SLC1A6: variants seen among roughly 807,000 people sequenced by gnomAD.
SLC1A6 encodes solute carrier family 1 member 6, also known as excitatory amino acid transporter 4.
In SLC1A6, 15 loss-of-function variants were observed where a neutral mutation model predicts 42.1. That is an observed-to-expected ratio of 0.36 (90% CI 0.24 to 0.55). SLC1A6 has a LOEUF of 0.55. SLC1A6 is among the 20% of genes least tolerant of loss of function. The pLI, the probability that SLC1A6 is intolerant of heterozygous loss-of-function variation, is 0.88. For missense variants in SLC1A6, 542 were observed against 772.5 expected (o/e 0.70, Z 3.54); for synonymous variants, 317 against 319.7 (o/e 0.99, Z 0.09).
At chr19:14,951,279 GA>G (rs2045410928) in intron 9 of SLC1A6, among the ~76,000 whole-genome samples, 1 of 122,484 alleles carries the variant, frequency 8.2e-6, no homozygotes, top group Non-Finnish European at 1.8e-5. Context: ...AAAAAAAAAA[GA>G]AAGAAAAGAA....
intron 1 of SLC1A6, among the ~76,000 whole-genome samples, chr19:14,992,451 A>C (rs2045824982): frequency 6.6e-6 from 1 of 152,084 alleles, no homozygotes; most frequent in South Asian, 2.1e-4. Context: ...AATAAAGAGC[A>C]GGGTCACGGC....
intron 3 of SLC1A6, among the ~76,000 whole-genome samples, chr19:14,971,050 A>C (rs955043492): frequency 3.9e-5 from 6 of 152,044 alleles, no homozygotes; most frequent in Non-Finnish European, 8.8e-5. Flanking sequence ...GAATTGCTTG[A>C]ACCTGGGAGG....
At position 14,971,891 on chromosome 19, in the gene SLC1A6, G is replaced by A. The variant is rs2045644459; in HGVS notation, c.206-17C>T. 1.2e-6 allele frequency: 2 copies of A among 1,613,610 alleles called. No individual in the cohort carries two copies. The highest frequency in any genetic ancestry group is 2.2e-5 in the South Asian group (2 of 91,054). On this transcript the variant is annotated splice_polypyrimidine_tract_variant and intron_variant, in intron 2 of 9. Transcript: ENST00000594383. ...GGCTGACCCCTAGGGCCAAAAGAAGGGGTCCATGGACTGAAGTCTGGGTCG... is the reference window on the plus strand; with the variant it reads ...GGCTGACCCCTAGGGCCAAAAGAAGAGGTCCATGGACTGAAGTCTGGGTCG...
intron 6 of SLC1A6, among the ~76,000 whole-genome samples, chr19:14,960,357 T>G (rs1423133804): frequency 2.6e-5 from 4 of 152,222 alleles, no homozygotes; most frequent in African/African-American, 4.8e-5. Flanking sequence ...CCATCAATGA[T>G]TTAACTAATG....
intron 1 of SLC1A6, among the ~76,000 whole-genome samples, chr19:14,997,417 C>A (rs1172272646): frequency 6.6e-6 from 1 of 152,146 alleles, no homozygotes; most frequent in African/African-American, 2.4e-5. Context: ...CACAGGCACT[C>A]ATTTTTAACT....
At chr19:14,998,408 G>A (rs894681460) in intron 1 of SLC1A6, among the ~76,000 whole-genome samples, 3 of 152,126 alleles carry the variant, frequency 2.0e-5, no homozygotes, top group Non-Finnish European at 2.9e-5. Context: ...AGTCATTGTA[G>A]CACATGCCTG....
chr19:14,958,912 A>G (rs542736015), intron 6 of SLC1A6, among the ~76,000 whole-genome samples: 1 of 152,318 alleles, frequency 6.6e-6, no homozygotes, highest in South Asian at 2.1e-4. Flanking sequence ...CAGGCCCTCA[A>G]CTTGGCCTCA....
intron 6 of SLC1A6, among the ~76,000 whole-genome samples, chr19:14,960,046 A>T (rs1478416875): frequency 6.6e-6 from 1 of 152,218 alleles, no homozygotes; most frequent in Admixed American, 6.5e-5. Flanking sequence ...GTCAAGACAA[A>T]GTCTGCCTGG....
chr19:14,961,906 T>C (rs1169205072), intron 6 of SLC1A6, 96 bp downstream of exon 6: 5 of 1,499,708 alleles, frequency 3.3e-6, no homozygotes, highest in African/African-American at 2.8e-5. Flanking sequence ...CGTAAATGAA[T>C]GACCAAAAGT....
At chr19:14,999,986 C>T (rs1323076857) in intron 1 of SLC1A6, among the ~76,000 whole-genome samples, 1 of 149,792 alleles carries the variant, frequency 6.7e-6, no homozygotes, top group East Asian at 2.1e-4. Flanking sequence ...CTAATGCTAT[C>T]TCTTCCCCCT....
At chr19:14,956,731 C>T in intron 6 of SLC1A6, 22 bp from the exon 7 acceptor site, 2 of 1,520,076 alleles carry the variant, frequency 1.3e-6, no homozygotes, top group Non-Finnish European at 1.8e-6. Context: ...AGCCACATAC[C>T]TGTCAGGGCT....
upstream of SLC1A6, among the ~76,000 whole-genome samples, chr19:14,983,077 A>C (rs2045775674): frequency 6.6e-6 from 1 of 152,176 alleles, no homozygotes; most frequent in Non-Finnish European, 1.5e-5. Context: ...TCACTCACTA[A>C]CATGTATTTG....
intron 1 of SLC1A6, among the ~76,000 whole-genome samples, chr19:14,993,283 C>A (rs1347200238): frequency 6.6e-6 from 1 of 151,742 alleles, no homozygotes; most frequent in African/African-American, 2.4e-5. Context: ...GGGCTGGAGT[C>A]GGGGGGCAAT....
intron 1 of SLC1A6, 62 bp from the exon 2 acceptor site, chr19:14,972,979 A>G (rs1433962656): frequency 4.5e-6 from 6 of 1,339,952 alleles, no homozygotes; most frequent in African/African-American, 1.5e-5. Flanking sequence ...GCGTGGGCAG[A>G]TGGCGAAGGC....
At chr19:15,000,807 C>A (rs1242186071) in intron 1 of SLC1A6, among the ~76,000 whole-genome samples, 3 of 152,192 alleles carry the variant, frequency 2.0e-5, no homozygotes, top group African/African-American at 7.2e-5. Flanking sequence ...AGGATCCAAC[C>A]CACTCCAGTA....
At chr19:14,956,759 G>T (rs1347478061) in intron 6 of SLC1A6, 50 bp from the exon 7 acceptor site, 9 of 1,326,266 alleles carry the variant, frequency 6.8e-6, no homozygotes, top group Non-Finnish European at 9.6e-6. Context: ...GACCTCCCTT[G>T]CAGGTCTGAA....
chr19:14,982,754 C>T (rs1157943847), upstream of SLC1A6, among the ~76,000 whole-genome samples: 1 of 152,128 alleles, frequency 6.6e-6, no homozygotes, highest in Non-Finnish European at 1.5e-5. Flanking sequence ...TAAAAAGATC[C>T]TGGGAGATCC....
chr19:14,990,241 G>A (rs1286404518), intron 1 of SLC1A6, among the ~76,000 whole-genome samples: 2 of 151,982 alleles, frequency 1.3e-5, no homozygotes, highest in Non-Finnish European at 2.9e-5. Flanking sequence ...AGAAAATCCT[G>A]TCATTTATGA....
intron 1 of SLC1A6, among the ~76,000 whole-genome samples, chr19:14,990,795 A>AAC (rs2045816363): frequency 6.8e-6 from 1 of 146,280 alleles, no homozygotes; most frequent in African/African-American, 2.6e-5. Context: ...ACAAAAAAAA[A>AAC]AAAAAACGAA....
Sources: allele counts gnomAD v4.1 joint callset (sites outside exome capture counted in the v4.1 genomes callset), GRCh38; gene constraint gnomAD v4.1.1; transcripts MANE v1.5; gene names NCBI Gene and HGNC (gene_info 2026-07-23, HGNC 2026-07-21).